Variants in RABGAP1 observed in about 807,000 individuals in gnomAD.
RABGAP1 encodes rab GTPase-activating protein 1.
In RABGAP1, 23 loss-of-function variants were observed where a neutral mutation model predicts 137.6. The observed-to-expected ratio is 0.17, with a 90% CI of 0.12 to 0.24. RABGAP1 has a LOEUF of 0.24. Ranked by LOEUF, RABGAP1 falls within the 10% of genes least tolerant of loss-of-function variation. The probability of loss-of-function intolerance (pLI) is 1.00; values close to 1 mark genes in which losing one functional copy is unlikely to be tolerated. For missense variants in RABGAP1, 906 were observed against 1,275.8 expected, an observed-to-expected ratio of 0.71 and a Z score of 4.42; for synonymous variants, 451 against 450.7, an observed-to-expected ratio of 1.00 and a Z score of -0.01.
chr9:122,937,273 G>C (rs1409363209), upstream of RABGAP1, among the ~76,000 whole-genome samples: 1 of 152,186 alleles, frequency 6.6e-6, no homozygotes, highest in African/African-American at 2.4e-5. Context: ...ATAGACAAAG[G>C]CTTTAAAACA....
rs1021182729 is a variant in RABGAP1 at position 123,073,746 on chromosome 9, T to A, written c.2109+69T>A. Reference sequence around the variant, plus strand: ...ACTAAGGAGCACCAAATTGAGGAAATGGTGCCAGGGAGCATTGGTAATTGC... The same window carrying A: ...ACTAAGGAGCACCAAATTGAGGAAAAGGTGCCAGGGAGCATTGGTAATTGC... On this transcript the variant is annotated intron_variant, in intron 16 of 25. Coordinates refer to ENST00000373647, the MANE Select transcript of RABGAP1 (RefSeq NM_012197.4). 6 of 1,594,484 alleles carry A rather than the reference T, an allele frequency of 3.8e-6. No homozygotes were observed. The African/African-American group carries it at 4.1e-5, about 11-fold the overall frequency.
Position 122,990,185 on chromosome 9 carries a change from A to C in RABGAP1, c.895A>C (p.Lys299Gln). The change falls in exon 6 of 26, where the codon AAA becomes CAA. Residue 299 changes from lysine (K) to glutamine (Q), a missense_variant. Lys to Gln is a moderately conservative substitution (Grantham distance 53, BLOSUM62 1). Around this residue, in one of 9 missense-constraint regions of RABGAP1, gnomAD observed 331 missense variants for 358.3 expected, o/e 0.92. Transcript: ENST00000373647. ...IFTFSVSLEI[K>Q]EDDGKGYFSA... ...TACCTTCTCTGTGTCTTTAGAAATA[A>C]AAGAAGATGATGGTAAAGGTTATTT... is the stretch of plus-strand genomic sequence containing the variant. 6.2e-7 allele frequency: 1 copy of C among 1,610,144 alleles called. No homozygotes were observed. The highest frequency in any genetic ancestry group is 8.5e-7 in the Non-Finnish European group (1 of 1,176,872).
At chr9:122,949,693 CAAAAAAAA>C (rs60115483) in intron 1 of RABGAP1, among the ~76,000 whole-genome samples, 1 of 54,804 alleles carries the variant, frequency 1.8e-5, no homozygotes, top group African/African-American at 5.7e-5. Context: ...GACTCTGTCT[CAAAAAAAA>C]AAAAAAAAAA....
At chr9:123,013,941 G>T (rs994045533) in intron 11 of RABGAP1, among the ~76,000 whole-genome samples, 1 of 152,178 alleles carries the variant, frequency 6.6e-6, no homozygotes, top group South Asian at 2.1e-4. Context: ...AAGATCCATG[G>T]AAACAAGTAC....
At chr9:123,073,782 C>T (rs1478426971) in intron 16 of RABGAP1, 105 bp downstream of exon 16, 8 of 1,436,056 alleles carry the variant, frequency 5.6e-6, no homozygotes, top group African/African-American at 1.4e-5. Flanking sequence ...CTTAGCGATC[C>T]GTGGCTAAGG....
At chr9:122,950,377 C>CTTTTTTT (rs200424486) in intron 1 of RABGAP1, among the ~76,000 whole-genome samples, 408 of 74,142 alleles carry the variant, frequency 5.5e-3, no homozygotes, top group Middle Eastern at 0.014. Context: ...CTTTTTCTTT[C>CTTTTTTT]TTTTTTTTTT....
chr9:122,963,923 C>T (rs917150804), intron 2 of RABGAP1, among the ~76,000 whole-genome samples: 2 of 152,126 alleles, frequency 1.3e-5, no homozygotes, highest in Non-Finnish European at 2.9e-5. Context: ...GGGAATAATA[C>T]TGCTGATAAT....
chr9:122,944,804 T>TG (rs1833848186), intron 1 of RABGAP1, among the ~76,000 whole-genome samples: 1 of 152,010 alleles, frequency 6.6e-6, no homozygotes. Flanking sequence ...CTCGAACTCC[T>TG]GACCTCAGGT....
chr9:123,066,010 A>G (rs2034159070), intron 14 of RABGAP1, among the ~76,000 whole-genome samples: 1 of 152,220 alleles, frequency 6.6e-6, no homozygotes, highest in African/African-American at 2.4e-5. Flanking sequence ...TTGGGTTATA[A>G]AAGGAGGAGA....
At chr9:122,933,213 C>T in the RABGAP1 span, among the ~76,000 whole-genome samples, 1 of 152,084 alleles carries the variant, frequency 6.6e-6, no homozygotes, top group African/African-American at 2.4e-5. Context: ...GTTTATTTCT[C>T]CTTTTAATTC....
Position 123,103,137 on chromosome 9 carries a change from C to T in RABGAP1, c.3134C>T (p.Ala1045Val). The T allele has an allele frequency of 6.2e-7, 1 of 1,614,098 alleles. No homozygotes were observed. Among genetic ancestry groups the T allele is most frequent in the Non-Finnish European group, 8.5e-7 (1 of 1,179,974 alleles). ...CTTGCCCTCAATGAGGTGCAGGCAG[C>T]CAAGAAGACGTGGTTTAACCGAACA... ...LGLALNEVQA[A>V]KKTWFNRTLS... The change falls in exon 26 of 26, where the codon GCC becomes GTC. Residue 1045 changes from alanine (A) to valine (V), a missense_variant. By Grantham distance (64) the Ala-to-Val change is moderately conservative. Around this residue, in one of 9 missense-constraint regions of RABGAP1, gnomAD observed 193 missense variants for 248.1 expected, o/e 0.78. Coordinates refer to ENST00000373647, the MANE Select transcript of RABGAP1 (RefSeq NM_012197.4).
At chr9:122,968,898 A>T (rs1438785011) in intron 2 of RABGAP1, among the ~76,000 whole-genome samples, 1 of 152,220 alleles carries the variant, frequency 6.6e-6, no homozygotes, top group Non-Finnish European at 1.5e-5. Context: ...TACAGGTGTG[A>T]GCCACCGCCC....
intron 22 of RABGAP1, 80 bp downstream of exon 22, chr9:123,097,925 T>A: frequency 8.6e-7 from 1 of 1,167,880 alleles, no homozygotes; most frequent in Non-Finnish European, 1.2e-6. Flanking sequence ...CTGTTGGCAC[T>A]AGAAAACCTA....
At chr9:123,082,889 C>A (rs2034755660) in intron 19 of RABGAP1, among the ~76,000 whole-genome samples, 1 of 152,214 alleles carries the variant, frequency 6.6e-6, no homozygotes, top group South Asian at 2.1e-4. Context: ...AGCTTAAAAA[C>A]AACACTAGTT....
chr9:123,034,344 G>A, intron 13 of RABGAP1: 1 of 564,812 alleles, frequency 1.8e-6, no homozygotes, highest in Admixed American at 3.4e-5. Flanking sequence ...TCTGGGACTG[G>A]CCAGACAACT....
chr9:123,066,108 T>A (rs979604718), intron 14 of RABGAP1, among the ~76,000 whole-genome samples: 7 of 152,190 alleles, frequency 4.6e-5, no homozygotes, highest in Non-Finnish European at 8.8e-5. Context: ...TTATTTAGCA[T>A]CTCCTATGTA....
chr9:123,049,034 A>G lies in RABGAP1; in HGVS notation c.1795-16314A>G, dbSNP rs546368348. ...ATTTTTAGAATGGCACTATAATGCCATATTTGGATTGAAACAATGTGATAG... is the reference window on the plus strand; with the variant it reads ...ATTTTTAGAATGGCACTATAATGCCGTATTTGGATTGAAACAATGTGATAG... On this transcript the variant is annotated intron_variant, in intron 13 of 25. Transcript: ENST00000373647. 2.6e-3 allele frequency among the ~76,000 whole-genome samples: 400 copies of G among 152,378 alleles called. 1 individual carries two copies. Among genetic ancestry groups the G allele is most frequent in the Non-Finnish European group, 4.5e-3 (307 of 68,038 alleles).
At chr9:123,065,317 C>T in intron 13 of RABGAP1, 31 bp from the exon 14 acceptor site, 2 of 1,483,400 alleles carry the variant, frequency 1.3e-6, no homozygotes, top group Non-Finnish European at 1.9e-6. Context: ...ATTAACCTAA[C>T]TAAACCCTCT....
At chr9:122,969,934 T>A (rs147115040) in intron 2 of RABGAP1, among the ~76,000 whole-genome samples, 1 of 152,300 alleles carries the variant, frequency 6.6e-6, no homozygotes, top group African/African-American at 2.4e-5. Flanking sequence ...TTTTGCTCTG[T>A]TGCCCAGGCT....
Sources: gnomAD v4.1 joint callset for allele counts (sites outside exome capture counted in the v4.1 genomes callset) on GRCh38, gnomAD v4.1.1 for gene constraint, gnomAD v4.1.1 regional missense constraint, MANE v1.5 for transcripts, NCBI Gene and HGNC (gene_info 2026-07-23, HGNC 2026-07-21) for gene names.